TBC1D22A: variants seen among roughly 807,000 people sequenced by gnomAD.
TBC1D22A encodes the protein putative GTPase activator.
TBC1D22A carries 38 observed loss-of-function variants against 60.2 expected under a neutral mutation model. The observed-to-expected ratio is 0.63, with a 90% confidence interval of 0.49 to 0.83. The LOEUF (loss-of-function observed/expected upper bound fraction) is 0.83. TBC1D22A is among the 40% of genes least tolerant of loss of function. The probability of loss-of-function intolerance (pLI) is 0.00; values close to 1 mark genes in which losing one functional copy is unlikely to be tolerated. For missense variants in TBC1D22A, 628 were observed against 701.0 expected (o/e 0.90, Z 1.18); for synonymous variants, 302 against 281.7 (o/e 1.07, Z -0.72).
At chr22:46,908,454 G>A (rs138599334) in intron 7 of TBC1D22A, among the ~76,000 whole-genome samples, 233 of 152,248 alleles carry the variant, frequency 1.5e-3, no homozygotes, top group Non-Finnish European at 2.6e-3. Context: ...TGCTTGCCAC[G>A]TTAAAGGTCA....
In TBC1D22A at chr22:46,913,619, A is replaced by C. The variant is rs1456147577; in HGVS notation, c.1015+1431A>C. 3.0e-5 allele frequency: 30 copies of C among 985,396 alleles called. 1 individual carries two copies. The East Asian group carries it at 9.1e-4, about 30-fold the overall frequency. 61.0% of individuals were successfully genotyped at this position (985,396 alleles called of 1,614,324 possible). A position where few individuals can be genotyped will look rare whatever the true frequency, so the allele number is the denominator to read the frequency against. On this transcript the variant is annotated intron_variant, in intron 8 of 12. Coordinates refer to ENST00000337137, the MANE Select transcript of TBC1D22A (RefSeq NM_014346.5). ...CTTGCTTTTCTGCCTCTTACCCCTC[A>C]TTTGACAGATAATGAAAATGCTCTT...
intron 12 of TBC1D22A, among the ~76,000 whole-genome samples, chr22:47,123,858 G>A (rs73889405): frequency 0.029 from 4,392 of 152,252 alleles, 215 homozygotes; most frequent in African/African-American, 0.1. Context: ...CGTGCTGTGA[G>A]ATCAGGTTTG....
At position 47,103,584 on chromosome 22, in the gene TBC1D22A, G is replaced by A. The variant is rs192625282; in HGVS notation, c.1330-7924G>A. Among the ~76,000 whole-genome samples the A allele has an allele frequency of 2.7e-3, 414 of 152,262 alleles. 4 individuals are homozygous for A. The highest frequency in any genetic ancestry group is 8.7e-4 in the Non-Finnish European group (59 of 68,026). ...TAAAATGGTGACATGATAGGAGCCC[G>A]CTGAATTAGAAAGGGCATCCTAGTT... is the stretch of plus-strand genomic sequence containing the variant. On this transcript the variant is annotated intron_variant, in intron 11 of 12. Transcript: ENST00000337137.
intron 11 of TBC1D22A, among the ~76,000 whole-genome samples, chr22:47,088,804 A>G: frequency 6.6e-6 from 1 of 152,224 alleles, no homozygotes; most frequent in East Asian, 1.9e-4. Flanking sequence ...CAATTGCAGC[A>G]TCACCAGGAA....
At chr22:47,145,046 C>T (rs1232859682) in intron 12 of TBC1D22A, among the ~76,000 whole-genome samples, 1 of 152,220 alleles carries the variant, frequency 6.6e-6, no homozygotes, top group Non-Finnish European at 1.5e-5. Context: ...TAAGCGCGCA[C>T]CACGTGCCGG....
At chr22:46,785,250 C>T (rs1174281607) in intron 1 of TBC1D22A, among the ~76,000 whole-genome samples, 1 of 152,164 alleles carries the variant, frequency 6.6e-6, no homozygotes, top group African/African-American at 2.4e-5. Flanking sequence ...ACTTGTCTAG[C>T]AGTGATGCAG....
intron 12 of TBC1D22A, among the ~76,000 whole-genome samples, chr22:47,134,308 G>C (rs2066780995): frequency 6.6e-6 from 1 of 152,224 alleles, no homozygotes; most frequent in Non-Finnish European, 1.5e-5. Flanking sequence ...CTCCCTCTCA[G>C]CTGTCACATT....
At chr22:46,830,958 T>C (rs892559210) in intron 4 of TBC1D22A, among the ~76,000 whole-genome samples, 8 of 151,916 alleles carry the variant, frequency 5.3e-5, no homozygotes, top group African/African-American at 1.7e-4. Context: ...TCAGAGAATC[T>C]AGTGACTGGT....
At chr22:47,157,873 CTGAGATGCCAGTTACCCCTGCCA>C (rs1167208482) in intron 12 of TBC1D22A, among the ~76,000 whole-genome samples, 1 of 152,120 alleles carries the variant, frequency 6.6e-6, no homozygotes, top group Non-Finnish European at 1.5e-5. Context: ...TCTTTCTTTA[CTGAGATGCCAGTTACCCCTGCCA>C]TGCTGGGTGT....
rs543718548 is a variant in TBC1D22A, at chr22:47,050,043, C to T, written c.1329+12845C>T. ...TTTTTCAGAGAAGTCTCGCCCTTGT[C>T]CCCCAGGCTTGAGTGCAGTGGCTCG... On this transcript the variant is annotated intron_variant, in intron 11 of 12. Transcript: ENST00000337137. 3.3e-5 allele frequency among the ~76,000 whole-genome samples: 5 copies of T among 152,212 alleles called. No individual in the cohort carries two copies. In the East Asian group the frequency reaches 5.8e-4, roughly 18 times the overall value.
At chr22:46,896,643 A>G (rs528240000) in intron 7 of TBC1D22A, among the ~76,000 whole-genome samples, 2 of 152,200 alleles carry the variant, frequency 1.3e-5, no homozygotes, top group Admixed American at 1.3e-4. Context: ...CCACATTCAT[A>G]TAGATCTGTG....
At chr22:46,888,939 C>T (rs1438797634) in intron 5 of TBC1D22A, among the ~76,000 whole-genome samples, 1 of 152,128 alleles carries the variant, frequency 6.6e-6, no homozygotes, top group African/African-American at 2.4e-5. Context: ...CTCCTGACGT[C>T]GTGATCTGCC....
intron 9 of TBC1D22A, among the ~76,000 whole-genome samples, chr22:46,975,572 T>G (rs1204295639): frequency 6.6e-6 from 1 of 152,206 alleles, no homozygotes; most frequent in Non-Finnish European, 1.5e-5. Context: ...GGCCCTCATC[T>G]GAGAGACACA....
chr22:46,774,115 G>T (rs2083600522), intron 1 of TBC1D22A: 2 of 985,540 alleles, frequency 2.0e-6, no homozygotes, highest in Non-Finnish European at 2.4e-6. Flanking sequence ...AACTCAGGCT[G>T]CTGCCTGCTG....
chr22:46,791,490 AG>A (rs1334682722), intron 1 of TBC1D22A, among the ~76,000 whole-genome samples: 1 of 151,368 alleles, frequency 6.6e-6, no homozygotes, highest in Non-Finnish European at 1.5e-5. Context: ...GGTGGAAAAA[AG>A]GGAAAGAAGC....
At chr22:47,051,087 G>C (rs2063199885) in intron 11 of TBC1D22A, among the ~76,000 whole-genome samples, 1 of 151,258 alleles carries the variant, frequency 6.6e-6, no homozygotes. Context: ...CTGTGGCCTG[G>C]CAGGTCATGT....
rs573573477 is a variant in TBC1D22A at position 47,005,973 on chromosome 22, CA to C, written c.1201+8265del. On this transcript the variant is annotated intron_variant, in intron 10 of 12. Transcript: ENST00000337137. ...ACACCCCTACACATGCCTATACACA[CA>C]CCTACACACAGTCCCGTATACACAG... Among the ~76,000 whole-genome samples, 357 of 152,118 alleles carry C rather than the reference CA, an allele frequency of 2.3e-3. 3 individuals are homozygous for C. The highest frequency in any genetic ancestry group is 4.2e-3 in the Non-Finnish European group (287 of 67,968).
Position 46,974,496 on chromosome 22 carries a change from A to G in TBC1D22A, c.1125+97A>G, listed in dbSNP as rs2074212883. 23 of 988,194 alleles carry G rather than the reference A, an allele frequency of 2.3e-5. No homozygotes were observed. The South Asian group carries it at 3.2e-4, about 14-fold the overall frequency. The allele number at this position is 988,194 out of a possible 1,614,324, so 61.2% of individuals were successfully genotyped here. A position where few individuals can be genotyped will look rare whatever the true frequency, so the allele number is the denominator to read the frequency against. The stretch of plus-strand genomic sequence containing the variant: ...GCTGCTCCTGAGTCTCAGTGTGGCC[A>G]TGCAGTCCCTCCTGAAGCCTCACTT... On this transcript the variant is annotated intron_variant, in intron 9 of 12. Transcript: ENST00000337137.
Position 46,762,680 on chromosome 22 carries a change from T to C in TBC1D22A, c.-107T>C. On this transcript the variant is annotated 5_prime_UTR_variant, in exon 1 of 13. Coordinates refer to ENST00000337137, the MANE Select transcript of TBC1D22A (RefSeq NM_014346.5). ...AGCTTCTCGGCTCTAGGCTCTGGAG[T>C]CCCGGGAGCAGTGAGGGGCCACCCG... 1.1e-6 allele frequency: 1 copy of C among 929,962 alleles called. No individual in the cohort carries two copies. The highest frequency in any genetic ancestry group is 1.5e-6 in the Non-Finnish European group (1 of 669,418). 57.6% of individuals were successfully genotyped at this position (929,962 alleles called of 1,614,324 possible).
Sources: gnomAD v4.1 joint callset for allele counts (sites outside exome capture counted in the v4.1 genomes callset) on GRCh38, gnomAD v4.1.1 for gene constraint, MANE v1.5 for transcripts, NCBI Gene and HGNC (gene_info 2026-07-23, HGNC 2026-07-21) for gene names.